The following PLCG2 variants were observed in gnomAD, a reference collection of about 807,000 sequenced individuals.
The protein encoded by PLCG2 is 1-phosphatidylinositol 4,5-bisphosphate phosphodiesterase gamma-2.
In PLCG2, 69 loss-of-function variants were observed where a neutral mutation model predicts 175.6. The observed-to-expected ratio is 0.39, with a 90% confidence interval of 0.32 to 0.48. PLCG2 has a LOEUF of 0.48. Among genes scored for constraint, PLCG2 ranks in the 20% least tolerant of loss-of-function variants. PLCG2 has a pLI of 0.91. For synonymous variants in PLCG2, 827 were observed against 624.0 expected, an observed-to-expected ratio of 1.33 and a Z score of -4.85; for missense variants, 1,798 against 1,650.9, an observed-to-expected ratio of 1.09 and a Z score of -1.54.
rs1028333358 is a variant in PLCG2 at position 81,940,465 on chromosome 16, G to C, written c.3481+406G>C. On this transcript the variant is annotated intron_variant, in intron 30 of 32. Transcript: ENST00000564138. ...AGAGACCTTTGGCATCTTGGGGGGG[G>C]AGTAACAATCTCGAGGGTCCAACTC... Among the ~76,000 whole-genome samples the C allele has an allele frequency of 5.9e-5, 9 of 152,014 alleles. 1 individual carries two copies. Among genetic ancestry groups the C allele is most frequent in the African/African-American group, 1.7e-4 (7 of 41,350 alleles).
chr16:81,875,165 T>C (rs1411681206), intron 7 of PLCG2, among the ~76,000 whole-genome samples: 2 of 151,980 alleles, frequency 1.3e-5, no homozygotes, highest in African/African-American at 2.4e-5. Flanking sequence ...GGTTTCACCG[T>C]GTTGGCCAGG....
chr16:81,900,618 A>G lies in PLCG2; in HGVS notation c.1200A>G (p.Pro400=), dbSNP rs577059668. Reference sequence around the variant, plus strand: ...CACCCTCTTCTGCCTGCAGCTTCCCAGTGATCCTGTCCATCGAGGAGCACT... The same window carrying G: ...CACCCTCTTCTGCCTGCAGCTTCCCGGTGATCCTGTCCATCGAGGAGCACT... ...KDHAFVTSSF[P]VILSIEEHCS... is the part of the protein sequence containing the mutation. Residue 400 remains proline (P), a synonymous_variant, in exon 14 of 33, where the codon CCA becomes CCG. Coordinates refer to ENST00000564138, the MANE Select transcript of PLCG2 (RefSeq NM_002661.5). The G allele has an allele frequency of 1.0e-5, 16 of 1,590,778 alleles. No individual in the cohort carries two copies. Among genetic ancestry groups the G allele is most frequent in the African/African-American group, 8.0e-5 (6 of 74,604 alleles).
intron 31 of PLCG2, among the ~76,000 whole-genome samples, chr16:81,953,053 A>T (rs532285930): frequency 1.3e-5 from 2 of 152,188 alleles, no homozygotes; most frequent in Non-Finnish European, 2.9e-5. Context: ...TCTTGCCAAA[A>T]CTGCATCGCC....
Position 81,741,385 on chromosome 16 carries a change from C to T in PLCG2, c.-145+2000C>T, listed in dbSNP as rs903764703. On this transcript the variant is annotated intron_variant, in intron 1 of 5. Transcript: ENST00000565054. ...GAACCCAGTCTGGTTCCAAAGCATC[C>T]ACTATATCATATGGCTTATTACTTG... is the stretch of plus-strand genomic sequence containing the variant. 1.6e-4 allele frequency among the ~76,000 whole-genome samples: 25 copies of T among 152,282 alleles called. 1 individual carries two copies. Among genetic ancestry groups the T allele is most frequent in the African/African-American group, 4.3e-4 (18 of 41,556 alleles).
rs767391747 is a variant in PLCG2 at position 81,910,650 on chromosome 16, C to T, written c.1864C>T (p.Leu622=). 1.2e-6 allele frequency: 2 copies of T among 1,613,928 alleles called. No individual in the cohort carries two copies. The highest frequency in any genetic ancestry group is 1.7e-6 in the Non-Finnish European group (2 of 1,180,012). Residue 622 remains leucine, a synonymous_variant, in exon 18 of 33, where the codon CTG becomes TTG. Coordinates refer to ENST00000564138, the MANE Select transcript of PLCG2 (RefSeq NM_002661.5). ...ALIQHYRETH[L]RCAEFELRLT... ...CATCCAGCACTACCGCGAGACGCAC[C>T]TGCGCTGCGCCGAGTTCGAGCTGCG...
At chr16:81,766,118 G>A (rs917200143) in intron 2 of PLCG2, among the ~76,000 whole-genome samples, 8 of 152,168 alleles carry the variant, frequency 5.3e-5, no homozygotes, top group Non-Finnish European at 1.2e-4. Context: ...TCCTGGAGCT[G>A]GTTTGATTTT....
At chr16:81,750,589 T>C (rs769565693) in intron 1 of PLCG2, among the ~76,000 whole-genome samples, 1 of 148,462 alleles carries the variant, frequency 6.7e-6, no homozygotes, top group Non-Finnish European at 1.5e-5. Flanking sequence ...AACAGATTAA[T>C]GCATAAAGAA....
intron 7 of PLCG2, among the ~76,000 whole-genome samples, chr16:81,878,347 C>T (rs1476061021): frequency 6.6e-6 from 1 of 152,130 alleles, no homozygotes; most frequent in Non-Finnish European, 1.5e-5. Flanking sequence ...AGCAAGGCCT[C>T]ATCTTAACTT....
intron 13 of PLCG2, chr16:81,898,620 G>C (rs1156470458): frequency 6.6e-6 from 1 of 151,956 alleles, no homozygotes; most frequent in African/African-American, 2.4e-5. Flanking sequence ...GCTGCCTTTA[G>C]AATAATTTTG....
At chr16:81,880,244 A>G (rs1193550611) in intron 7 of PLCG2, among the ~76,000 whole-genome samples, 1 of 152,178 alleles carries the variant, frequency 6.6e-6, no homozygotes, top group African/African-American at 2.4e-5. Context: ...ATCTCTAAAG[A>G]AACCTGGCAG....
At chr16:81,759,616 A>AC (rs1909996756) in intron 2 of PLCG2, among the ~76,000 whole-genome samples, 1 of 151,750 alleles carries the variant, frequency 6.6e-6, no homozygotes, top group South Asian at 2.1e-4. Context: ...CTGTCTTGAG[A>AC]CCCCCAGTGC....
At chr16:81,898,030 T>C (rs548392758) in intron 13 of PLCG2, 51 of 351,886 alleles carry the variant, frequency 1.4e-4, no homozygotes, top group South Asian at 1.1e-3. Context: ...CCAACCTCCA[T>C]CAGGCAGATG....
intron 29 of PLCG2, among the ~76,000 whole-genome samples, chr16:81,939,594 C>T (rs1020855288): frequency 1.4e-5 from 2 of 146,200 alleles, no homozygotes; most frequent in Admixed American, 6.6e-5. Flanking sequence ...AATCCACCTT[C>T]CTGCTCTGCA....
chr16:81,750,662 G>GTTTTTTTTTTTTT (rs1567692941), intron 1 of PLCG2, among the ~76,000 whole-genome samples: 2 of 18,584 alleles, frequency 1.1e-4, no homozygotes, highest in African/African-American at 1.4e-4. Context: ...GGGGACTGGA[G>GTTTTTTTTTTTTT]ATTTTTTTTT....
rs4889428 is a variant in PLCG2 at position 81,891,389 on chromosome 16, C to T, written c.868-83C>T. On this transcript the variant is annotated intron_variant, in intron 10 of 32. Transcript: ENST00000564138. Reference sequence around the variant, plus strand: ...TCCCGCATCAGAGCTGTTCTTCCCCCCTGGTGGGCGCAGACCAGAAACAAG... The same window carrying T: ...TCCCGCATCAGAGCTGTTCTTCCCCTCTGGTGGGCGCAGACCAGAAACAAG... The T allele has an allele frequency of 0.11, 86,144 of 818,028 alleles. 5,275 individuals are homozygous for T. Among genetic ancestry groups the T allele is most frequent in the South Asian group, 0.16 (11,267 of 72,128 alleles). 50.7% of individuals were successfully genotyped at this position (818,028 alleles called of 1,614,324 possible).
intron 2 of PLCG2, among the ~76,000 whole-genome samples, chr16:81,818,350 T>C (rs951942256): frequency 6.6e-6 from 1 of 152,238 alleles, no homozygotes; most frequent in Admixed American, 6.5e-5. Flanking sequence ...TTTATATTTA[T>C]GTGGGCATTT....
At position 81,869,295 on chromosome 16, in the gene PLCG2, T is replaced by C; in HGVS notation, c.561T>C (p.Phe187=). The change falls in exon 6 of 33, where the codon TTT becomes TTC. Residue 187 remains phenylalanine (F), a synonymous_variant. Transcript: ENST00000564138. Reference sequence around the variant, plus strand: ...GTGCCAAGTTCCTTAAAGATAAGTTTGTGGTAAGTTTCATGGCTCAGCCTG... The same window carrying C: ...GTGCCAAGTTCCTTAAAGATAAGTTCGTGGTAAGTTTCATGGCTCAGCCTG... ...VSSAKFLKDK[F]VEIGAHKDEL... The C allele has an allele frequency of 6.2e-7, 1 of 1,609,352 alleles. No homozygotes were observed. Among genetic ancestry groups the C allele is most frequent in the Non-Finnish European group, 8.5e-7 (1 of 1,175,656 alleles).
At chr16:81,857,968 A>G in intron 3 of PLCG2, 1 of 390,462 alleles carries the variant, frequency 2.6e-6, no homozygotes, top group Non-Finnish European at 4.7e-6. Flanking sequence ...TAACAATGTC[A>G]TAGTGATAGT....
chr16:81,751,294 T>C (rs991094236), intron 1 of PLCG2, among the ~76,000 whole-genome samples: 5 of 152,160 alleles, frequency 3.3e-5, no homozygotes, highest in Non-Finnish European at 5.9e-5. Flanking sequence ...AACTAGAGAT[T>C]GATGGCCAGG....
Sources: allele counts gnomAD v4.1 joint callset (sites outside exome capture counted in the v4.1 genomes callset), GRCh38; gene constraint gnomAD v4.1.1; transcripts MANE v1.5; gene names NCBI Gene and HGNC (gene_info 2026-07-23, HGNC 2026-07-21).